Variants in PCGF6 observed in about 807,000 individuals in gnomAD.
The protein encoded by PCGF6 is polycomb group RING finger protein 6.
PCGF6 carries 24 observed loss-of-function variants against 45.5 expected under a neutral mutation model. That is an observed-to-expected ratio of 0.53 (90% CI 0.38 to 0.74). The LOEUF (loss-of-function observed/expected upper bound fraction) is 0.74, where lower values mean the gene tolerates loss of function less well. PCGF6 is among the 30% of genes least tolerant of loss of function. The pLI is 0.00. For synonymous variants in PCGF6, 152 were observed against 162.1 expected (o/e 0.94, Z 0.47); for missense variants, 356 against 443.2 (o/e 0.80, Z 1.77).
Position 103,348,934 on chromosome 10 carries a change from T to C in PCGF6, c.426A>G (p.Ile142Met), listed in dbSNP as rs914903407. The change falls in exon 2 of 10, where the codon ATA becomes ATG. Residue 142 changes from isoleucine (I) to methionine (M), a missense_variant. Ile to Met is a conservative substitution (Grantham distance 10). Coordinates refer to ENST00000369847, the MANE Select transcript of PCGF6 (RefSeq NM_001011663.2). The stretch of plus-strand genomic sequence containing the variant: ...GACATTCTGTGATGGTAGTTGCATC[T>C]ATTAAGTAACCTTTGCAAATGGAAC... ...ILCSICKGYL[I>M]DATTITECLH... The C allele has an allele frequency of 1.2e-6, 2 of 1,613,642 alleles. No individual in the cohort carries two copies. The highest frequency in any genetic ancestry group is 1.7e-5 in the Admixed American group (1 of 60,008).
chr10:103,317,472 T>A (rs1382818484), intron 8 of PCGF6, among the ~76,000 whole-genome samples: 1 of 152,096 alleles, frequency 6.6e-6, no homozygotes, highest in East Asian at 1.9e-4. Flanking sequence ...TACAAAATAA[T>A]TCACTGTAAC....
chr10:103,314,341 C>T lies in PCGF6; in HGVS notation c.910-69G>A. On this transcript the variant is annotated intron_variant, in intron 8 of 9. Coordinates refer to ENST00000369847, the MANE Select transcript of PCGF6 (RefSeq NM_001011663.2). Reference sequence around the variant, plus strand: ...ATACCATCTGAAGAAATGAGGAAAACAAATCAACATAAATTGTTTCCAAAC... The same window carrying T: ...ATACCATCTGAAGAAATGAGGAAAATAAATCAACATAAATTGTTTCCAAAC... 5 of 919,972 alleles carry T rather than the reference C, an allele frequency of 5.4e-6. No homozygotes were observed. In the South Asian group the frequency reaches 7.8e-5, roughly 14 times the overall value. The allele number at this position is 919,972 out of a possible 1,614,324, so 57.0% of individuals were successfully genotyped here.
chr10:103,348,673 A>T, intron 3 of PCGF6, 43 bp downstream of exon 3: 3 of 1,361,224 alleles, frequency 2.2e-6, no homozygotes, highest in Non-Finnish European at 3.0e-6. Context: ...CTTTCAGAAA[A>T]AGTATATTTA....
chr10:103,310,916 G>A (rs1194288272), intron 9 of PCGF6, among the ~76,000 whole-genome samples: 2 of 152,038 alleles, frequency 1.3e-5, no homozygotes, highest in Admixed American at 1.3e-4. Flanking sequence ...GTCTAAGCTG[G>A]TCTTGAAGTG....
chr10:103,348,147 G>T, intron 3 of PCGF6, among the ~76,000 whole-genome samples: 1 of 152,076 alleles, frequency 6.6e-6, no homozygotes, highest in Non-Finnish European at 1.5e-5. Context: ...CTATATACTG[G>T]AAATGAAAAG....
At chr10:103,331,920 G>A (rs1397223637) in intron 7 of PCGF6, among the ~76,000 whole-genome samples, 1 of 152,176 alleles carries the variant, frequency 6.6e-6, no homozygotes, top group African/African-American at 2.4e-5. Flanking sequence ...AGCCTCCCGG[G>A]TAGCTGGGAC....
At chr10:103,319,216 C>A (rs2093187587) in intron 8 of PCGF6, among the ~76,000 whole-genome samples, 1 of 151,858 alleles carries the variant, frequency 6.6e-6, no homozygotes, top group Non-Finnish European at 1.5e-5. Context: ...GTGGTGGGAT[C>A]TCGGCTCACT....
intron 9 of PCGF6, among the ~76,000 whole-genome samples, chr10:103,308,452 G>A (rs754426213): frequency 2.6e-5 from 4 of 151,524 alleles, no homozygotes; most frequent in Non-Finnish European, 4.4e-5. Flanking sequence ...AGGCTGGAGT[G>A]CAGTGGTGTG....
intron 7 of PCGF6, among the ~76,000 whole-genome samples, chr10:103,327,911 G>A (rs564846048): frequency 6.6e-6 from 1 of 150,378 alleles, no homozygotes; most frequent in South Asian, 2.1e-4. Context: ...TCCTGACCTC[G>A]TGATCCACCC....
intron 5 of PCGF6, 115 bp from the exon 6 acceptor site, chr10:103,345,247 A>G (rs1277479741): frequency 1.4e-6 from 1 of 709,854 alleles, no homozygotes. Context: ...ATCATAAACC[A>G]CTCAATCTCC....
At chr10:103,342,964 T>C (rs112559381) in intron 6 of PCGF6, among the ~76,000 whole-genome samples, 3,948 of 152,176 alleles carry the variant, frequency 0.026, 177 homozygotes, top group African/African-American at 0.09. Flanking sequence ...ACGGAGTCTC[T>C]GCCGCCCAGG....
chr10:103,349,065 T>C lies in PCGF6; in HGVS notation c.361-66A>G. The C allele has an allele frequency of 2.2e-6, 3 of 1,377,382 alleles. 1 individual carries two copies. The Admixed American group carries it at 6.0e-5, about 28-fold the overall frequency. 85.3% of individuals were successfully genotyped at this position (1,377,382 alleles called of 1,614,324 possible). ...CCTTTTACAAATTCTTTTTTTTTTT[T>C]TGAGACAGAGTCTCACTCTGTAGCC... On this transcript the variant is annotated intron_variant, in intron 1 of 9. Transcript: ENST00000369847.
At chr10:103,345,705 G>A (rs192100249) in intron 5 of PCGF6, among the ~76,000 whole-genome samples, 38 of 151,902 alleles carry the variant, frequency 2.5e-4, no homozygotes, top group African/African-American at 8.9e-4. Context: ...GCATGTGCCT[G>A]TAATCCCAGC....
intron 6 of PCGF6, among the ~76,000 whole-genome samples, chr10:103,336,368 G>A (rs947245012): frequency 1.1e-4 from 16 of 151,468 alleles, no homozygotes; most frequent in Admixed American, 8.6e-4. Context: ...AATGTAAACT[G>A]TAAATCCGTA....
rs560179122 is a variant in PCGF6 at position 103,326,511 on chromosome 10, TC to T, written c.909+22del. ...AAGGTAAGCTCACAACTTTACCTATTCTTTTACATATATGTACTGTACCTGA... is the reference window on the plus strand; with the variant it reads ...AAGGTAAGCTCACAACTTTACCTATTTTTTACATATATGTACTGTACCTGA... On this transcript the variant is annotated intron_variant, in intron 8 of 9. Transcript: ENST00000369847. 4.1e-3 allele frequency: 6,118 copies of T among 1,499,708 alleles called. 20 individuals carry two copies. The highest frequency in any genetic ancestry group is 5.1e-3 in the Non-Finnish European group (5,612 of 1,104,012). The allele number at this position is 1,499,708 out of a possible 1,614,324, so 92.9% of individuals were successfully genotyped here. A position where few individuals can be genotyped will look rare whatever the true frequency, so the allele number is the denominator to read the frequency against.
Position 103,350,788 on chromosome 10 carries a change from TTCC to T in PCGF6, c.276_278del (p.Glu99del), listed in dbSNP as rs780722312. On this transcript the variant is annotated inframe_deletion, in exon 1 of 10. Coordinates refer to ENST00000369847, the MANE Select transcript of PCGF6 (RefSeq NM_001011663.2). ...TCATGTCCTCCTCCTCCTCCTCTTC[TTCC>T]TCCTCCAGCTCCTCTTCTTCTTCCA... 9.0e-6 allele frequency: 14 copies of T among 1,560,552 alleles called. No homozygotes were observed. In the South Asian group the frequency reaches 1.3e-4, roughly 15 times the overall value.
intron 9 of PCGF6, among the ~76,000 whole-genome samples, chr10:103,304,756 A>G (rs1592051028): frequency 6.6e-6 from 1 of 152,036 alleles, no homozygotes; most frequent in East Asian, 1.9e-4. Context: ...CCTGGGCTCA[A>G]GCGATCCTCC....
At chr10:103,340,192 A>AT (rs1176186230) in intron 6 of PCGF6, among the ~76,000 whole-genome samples, 4 of 105,818 alleles carry the variant, frequency 3.8e-5, no homozygotes, top group South Asian at 5.4e-4. Context: ...AAAAAAAAAA[A>AT]AAAAAAATAT....
intron 6 of PCGF6, among the ~76,000 whole-genome samples, chr10:103,339,610 G>GA (rs2093270876): frequency 6.6e-6 from 1 of 150,912 alleles, no homozygotes; most frequent in Non-Finnish European, 1.5e-5. Flanking sequence ...CCAACATGGT[G>GA]AAACCCCATC....
Sources: gnomAD v4.1 joint callset for allele counts (sites outside exome capture counted in the v4.1 genomes callset) on GRCh38, gnomAD v4.1.1 for gene constraint, MANE v1.5 for transcripts, NCBI Gene and HGNC (gene_info 2026-07-23, HGNC 2026-07-21) for gene names.